CAD: variants seen among roughly 807,000 people sequenced by gnomAD.
The protein encoded by CAD is multifunctional protein CAD.
In CAD, 81 loss-of-function variants were observed where a neutral mutation model predicts 237.2. The ratio of observed to expected loss-of-function variants is 0.34; its 90% CI spans 0.29 to 0.41. The LOEUF is 0.41. Among genes scored for constraint, CAD ranks in the 10% least tolerant of loss-of-function variants. The pLI is 1.00. For synonymous variants in CAD, 1,196 were observed against 1,162.8 expected, an observed-to-expected ratio of 1.03 and a Z score of -0.58; for missense variants, 2,181 against 2,951.7, an observed-to-expected ratio of 0.74 and a Z score of 6.05.
rs149723808 is a variant in CAD, at chr2:27,237,017, A to ATTTTTTTT, written c.4396+202_4396+209dup. On this transcript the variant is annotated intron_variant, in intron 27 of 43. Transcript: ENST00000264705. This position sits in a 1 kb window ranked among gnomAD's most constrained non-coding sequence, Gnocchi z 4.0. ...TGTCCACAGTGGCCTTGTCTGAGGA[A>ATTTTTTTT]TTTTTTTTTTTTTTTTTTTTTTGAG... is the stretch of plus-strand genomic sequence containing the variant. Among the ~76,000 whole-genome samples, 1 of 126,534 alleles carries ATTTTTTTT rather than the reference A, an allele frequency of 7.9e-6. No homozygotes were observed. The highest frequency in any genetic ancestry group is 7.8e-5 in the Admixed American group (1 of 12,772). 83.0% of individuals were successfully genotyped at this position (126,534 alleles called of 152,430 possible). A position where few individuals can be genotyped will look rare whatever the true frequency, so the allele number is the denominator to read the frequency against.
chr2:27,232,590 T>A lies in CAD; in HGVS notation c.2788T>A (p.Phe930Ile), dbSNP rs770355756. ...TTGGGGCACCACCCATGACCTCACCTTTCGAACACCTCATGTCCTAGTCCT... is the reference window on the plus strand; with the variant it reads ...TTGGGGCACCACCCATGACCTCACCATTCGAACACCTCATGTCCTAGTCCT... ...TYWGTTHDLTFRTPHVLVLGS... is the reference protein window; with the variant it reads ...TYWGTTHDLTIRTPHVLVLGS... Residue 930 changes from phenylalanine (F) to isoleucine (I), a missense_variant, in exon 18 of 44, where the codon TTT becomes ATT. By Grantham distance (21) the Phe-to-Ile change is conservative. This residue lies in a region of CAD where 385 missense variants were observed against 535.1 expected (regional missense o/e 0.72). Transcript: ENST00000264705. The surrounding 1 kb of genome is among the most constrained non-coding windows in gnomAD (Gnocchi z 4.1). 6.2e-7 allele frequency: 1 copy of A among 1,614,214 alleles called. No homozygotes were observed. The highest frequency in any genetic ancestry group is 8.5e-7 in the Non-Finnish European group (1 of 1,180,044).
In CAD at chr2:27,243,143, C is replaced by T. The variant is rs1676405163; in HGVS notation, c.6481-55C>T. On this transcript the variant is annotated intron_variant, in intron 42 of 43. Coordinates refer to ENST00000264705, the MANE Select transcript of CAD (RefSeq NM_004341.5). Reference sequence around the variant, plus strand: ...ACCCCAGTGGAGCCCAGACTTGTGTCCTCTGTAGCCACTCCTACCCCAAGG... The same window carrying T: ...ACCCCAGTGGAGCCCAGACTTGTGTTCTCTGTAGCCACTCCTACCCCAAGG... The T allele has an allele frequency of 6.4e-6, 10 of 1,555,702 alleles. No individual in the cohort carries two copies. In the South Asian group the frequency reaches 1.1e-4, roughly 17 times the overall value.
Position 27,242,833 on chromosome 2 carries a change from C to T in CAD, c.6379-39C>T, listed in dbSNP as rs1300099364. The T allele has an allele frequency of 6.2e-7, 1 of 1,613,448 alleles. No individual in the cohort carries two copies. Among genetic ancestry groups the T allele is most frequent in the Non-Finnish European group, 8.5e-7 (1 of 1,179,378 alleles). Reference sequence around the variant, plus strand: ...GGAGATGTGGGTTGGGCAGTCAGAGCCCAGCGCTGCATCCACCATGGCTCT... The same window carrying T: ...GGAGATGTGGGTTGGGCAGTCAGAGTCCAGCGCTGCATCCACCATGGCTCT... On this transcript the variant is annotated intron_variant, in intron 41 of 43. Coordinates refer to ENST00000264705, the MANE Select transcript of CAD (RefSeq NM_004341.5). This position sits in a 1 kb window ranked among gnomAD's most constrained non-coding sequence, Gnocchi z 6.4.
chr2:27,221,780 T>TTTTTTTA lies in CAD; in HGVS notation c.353-414_353-413insTTTTTTA, dbSNP rs1491358907. ...TTTTTTTTTTTTTTTTTTTTTTTTTTCTGTTCATTTGAATCTTGCTCTAAA... is the reference window on the plus strand; with the variant it reads ...TTTTTTTTTTTTTTTTTTTTTTTTTTTTTTTTACTGTTCATTTGAATCTTGCTCTAAA... On this transcript the variant is annotated intron_variant, in intron 3 of 43. Transcript: ENST00000264705. Among the ~76,000 whole-genome samples, 482 of 118,868 alleles carry TTTTTTTA rather than the reference T, an allele frequency of 4.1e-3. 8 individuals are homozygous for TTTTTTTA. Among genetic ancestry groups the TTTTTTTA allele is most frequent in the African/African-American group, 0.011 (307 of 28,164 alleles). 78.0% of individuals were successfully genotyped at this position (118,868 alleles called of 152,430 possible).
In CAD at chr2:27,237,628, G is replaced by A. The variant is rs1676079577; in HGVS notation, c.4563+83G>A. 7 of 1,574,984 alleles carry A rather than the reference G, an allele frequency of 4.4e-6. No homozygotes were observed. The South Asian group carries it at 8.2e-5, about 18-fold the overall frequency. On this transcript the variant is annotated intron_variant, in intron 28 of 43. Transcript: ENST00000264705. The surrounding 1 kb of genome is among the most constrained non-coding windows in gnomAD (Gnocchi z 4.0). ...TGCTTCCCTGAGCCCTTTTCCTTCT[G>A]CCCCGCCCTATGGGCCCAGGCCACT...
At chr2:27,224,116 C>A in intron 8 of CAD, 87 bp downstream of exon 8, 1 of 1,040,474 alleles carries the variant, frequency 9.6e-7, no homozygotes, top group Non-Finnish European at 1.5e-6. Context: ...CTGGGCAACT[C>A]CTAGATGTCT....
chr2:27,237,925 C>G lies in CAD; in HGVS notation c.4728+43C>G. 6.3e-7 allele frequency: 1 copy of G among 1,580,220 alleles called. No individual in the cohort carries two copies. Among genetic ancestry groups the G allele is most frequent in the Non-Finnish European group, 8.6e-7 (1 of 1,160,446 alleles). ...GGCAGGAGGCCACCACCCAGTGTCT[C>G]CTGGCTTGTGGGCCCCTGCCTAAGT... On this transcript the variant is annotated intron_variant, in intron 29 of 43. Coordinates refer to ENST00000264705, the MANE Select transcript of CAD (RefSeq NM_004341.5). This position sits in a 1 kb window ranked among gnomAD's most constrained non-coding sequence, Gnocchi z 4.0.
chr2:27,230,254 G>A (rs1017713547), intron 15 of CAD, among the ~76,000 whole-genome samples: 4 of 152,040 alleles, frequency 2.6e-5, no homozygotes, highest in Non-Finnish European at 5.9e-5. Context: ...AATTAAGTTG[G>A]TGTTGATGAG....
rs1676216063 is a variant in CAD, at chr2:27,239,864, C to T, written c.5496+66C>T. 4 of 1,137,100 alleles carry T rather than the reference C, an allele frequency of 3.5e-6. No homozygotes were observed. Among genetic ancestry groups the T allele is most frequent in the East Asian group, 4.9e-5 (2 of 40,788 alleles). 70.4% of individuals were successfully genotyped at this position (1,137,100 alleles called of 1,614,324 possible). A position where few individuals can be genotyped will look rare whatever the true frequency, so the allele number is the denominator to read the frequency against. Reference sequence around the variant, plus strand: ...CTCAGGGCAGGATGAACAGCTTGAACATTTTCATTGGTGGTTCAGGAACAA... The same window carrying T: ...CTCAGGGCAGGATGAACAGCTTGAATATTTTCATTGGTGGTTCAGGAACAA... On this transcript the variant is annotated intron_variant, in intron 34 of 43. Coordinates refer to ENST00000264705, the MANE Select transcript of CAD (RefSeq NM_004341.5). This position sits in a 1 kb window ranked among gnomAD's most constrained non-coding sequence, Gnocchi z 4.0.
intron 3 of CAD, among the ~76,000 whole-genome samples, chr2:27,221,780 T>TTTTTTTTA (rs1491358907): frequency 2.6e-4 from 31 of 118,882 alleles, no homozygotes; most frequent in African/African-American, 5.3e-4. Context: ...TTTTTTTTTT[T>TTTTTTTTA]CTGTTCATTT....
At chr2:27,218,156 T>A in intron 2 of CAD, 140 bp downstream of exon 2, 2 of 705,244 alleles carry the variant, frequency 2.8e-6, no homozygotes, top group Non-Finnish European at 4.5e-6. Context: ...AGGACTAAGA[T>A]CACTAGTAAC....
chr2:27,236,271 T>C lies in CAD; in HGVS notation c.4075-13T>C. ...CAGACAGCTTGGCCCTGACCTTGAC[T>C]CCGGGTTGGCAGGTAACAGCTGTGG... On this transcript the variant is annotated splice_polypyrimidine_tract_variant and intron_variant, in intron 25 of 43. Transcript: ENST00000264705. This position sits in a 1 kb window ranked among gnomAD's most constrained non-coding sequence, Gnocchi z 4.1. 1 of 1,611,724 alleles carries C rather than the reference T, an allele frequency of 6.2e-7. No individual in the cohort carries two copies. The highest frequency in any genetic ancestry group is 2.2e-5 in the East Asian group (1 of 44,832).
chr2:27,229,503 T>C (rs1226434123), intron 15 of CAD, among the ~76,000 whole-genome samples: 1 of 152,022 alleles, frequency 6.6e-6, no homozygotes, highest in Non-Finnish European at 1.5e-5. Flanking sequence ...TCAATCTGCC[T>C]TAGGTGATCC....
Position 27,241,934 on chromosome 2 carries a change from C to A in CAD, c.5907C>A (p.Phe1969Leu), listed in dbSNP as rs1427396248. 1 of 1,613,662 alleles carries A rather than the reference C, an allele frequency of 6.2e-7. No homozygotes were observed. Among genetic ancestry groups the A allele is most frequent in the East Asian group, 2.2e-5 (1 of 44,876 alleles). The change falls in exon 39 of 44, where the codon TTC (phenylalanine) becomes TTA (leucine). Residue 1969 changes from phenylalanine (F) to leucine (L), a missense_variant. Around this residue, in one of 12 missense-constraint regions of CAD, gnomAD observed 203 missense variants for 284.5 expected, o/e 0.71. Transcript: ENST00000264705. This position sits in a 1 kb window ranked among gnomAD's most constrained non-coding sequence, Gnocchi z 4.6. The part of the protein sequence containing the change: ...ILKGKVMASM[F>L]YEVSTRTSSS... ...AGGGGAAGGTCATGGCCTCCATGTTCTATGAAGTGAGCACACGGACCAGCA... is the reference window on the plus strand; with the variant it reads ...AGGGGAAGGTCATGGCCTCCATGTTATATGAAGTGAGCACACGGACCAGCA...
intron 12 of CAD, 35 bp downstream of exon 12, chr2:27,225,961 G>A: frequency 1.9e-6 from 3 of 1,594,230 alleles, no homozygotes; most frequent in Non-Finnish European, 2.6e-6. Flanking sequence ...CGTCGTGTCA[G>A]GCAGGATGAG....
At position 27,241,206 on chromosome 2, in the gene CAD, C is replaced by G; in HGVS notation, c.5787C>G (p.Val1929=). The G allele has an allele frequency of 1.9e-6, 3 of 1,612,474 alleles. No homozygotes were observed. Among genetic ancestry groups the G allele is most frequent in the Non-Finnish European group, 2.5e-6 (3 of 1,179,172 alleles). ...HSLVGQHILS[V]QQFTKDQMSH... is the part of the protein sequence containing the mutation. ...TAGTGGGCCAACATATCCTGTCCGT[C>G]CAGCAGTTCACCAAGGATCAGGTGC... The change falls in exon 37 of 44, where the codon GTC becomes GTG. Residue 1929 remains valine (V), a synonymous_variant. Transcript: ENST00000264705. The surrounding 1 kb of genome is among the most constrained non-coding windows in gnomAD (Gnocchi z 4.6).
chr2:27,236,608 G>A lies in CAD; in HGVS notation c.4314+85G>A, dbSNP rs1205092627. On this transcript the variant is annotated intron_variant, in intron 26 of 43. Transcript: ENST00000264705. The surrounding 1 kb of genome is among the most constrained non-coding windows in gnomAD (Gnocchi z 4.1). ...GGAGGAGTGAGTATGGAACAGCCAT[G>A]CTAGTAATAAAGCTTTGTGGCTACA... is the stretch of plus-strand genomic sequence containing the variant. 6.3e-7 allele frequency: 1 copy of A among 1,577,222 alleles called. No individual in the cohort carries two copies. The highest frequency in any genetic ancestry group is 2.2e-5 in the East Asian group (1 of 44,622).
At chr2:27,225,592 G>A (rs1000636867) in intron 11 of CAD, 113 bp from the exon 12 acceptor site, 14 of 860,846 alleles carry the variant, frequency 1.6e-5, no homozygotes, top group Middle Eastern at 3.6e-4. Context: ...GGTTACAGGC[G>A]TGAGCCACTA....
In CAD at chr2:27,226,151, G is replaced by T; in HGVS notation, c.1863G>T (p.Leu621Phe). The change falls in exon 13 of 44, where the codon TTG becomes TTT. Residue 621 changes from leucine to phenylalanine, a missense_variant. Transcript: ENST00000264705. Reference protein sequence around the residue: ...NCVTVCNMENLDPLGIHTGES... With the variant: ...NCVTVCNMENFDPLGIHTGES... ...CACAGGTGTGTAACATGGAGAACTT[G>T]GACCCACTGGGCATCCACACTGGTG... is the stretch of plus-strand genomic sequence containing the variant. 1 of 1,614,146 alleles carries T rather than the reference G, an allele frequency of 6.2e-7. No homozygotes were observed. The highest frequency in any genetic ancestry group is 8.5e-7 in the Non-Finnish European group (1 of 1,180,004).
Sources: gnomAD v4.1 joint callset for allele counts (sites outside exome capture counted in the v4.1 genomes callset) on GRCh38, gnomAD v4.1.1 for gene constraint, gnomAD v4.1.1 regional missense constraint, Gnocchi (gnomAD v3.1) non-coding constraint, MANE v1.5 for transcripts, NCBI Gene and HGNC (gene_info 2026-07-23, HGNC 2026-07-21) for gene names.